The following PIEZO2 variants were observed in gnomAD, a reference collection of about 807,000 sequenced individuals.
The protein encoded by PIEZO2 is piezo-type mechanosensitive ion channel component 2.
Under a neutral mutation model 337.3 loss-of-function variants are expected in PIEZO2, and 172 were observed. That is an observed-to-expected ratio of 0.51 (90% CI 0.45 to 0.58). The LOEUF (loss-of-function observed/expected upper bound fraction) is 0.58. PIEZO2 is among the 20% of genes least tolerant of loss of function. The pLI is 0.00. For synonymous variants in PIEZO2, 1,251 were observed against 1,228.5 expected (o/e 1.02, Z -0.38); for missense variants, 3,028 against 3,391.3 (o/e 0.89, Z 2.66).
At chr18:10,744,617 G>A (rs2037352344) in intron 30 of PIEZO2, among the ~76,000 whole-genome samples, 1 of 152,158 alleles carries the variant, frequency 6.6e-6, no homozygotes, top group African/African-American at 2.4e-5. Flanking sequence ...TGCAAAAAGG[G>A]TACAGTCAGA....
intron 4 of PIEZO2, among the ~76,000 whole-genome samples, chr18:10,892,372 G>A (rs993120151): frequency 1.3e-5 from 2 of 152,070 alleles, no homozygotes; most frequent in African/African-American, 4.8e-5. Flanking sequence ...AAAAAAGCCA[G>A]ACACAAAAGG....
At chr18:10,770,012 T>G (rs1384060838) in intron 21 of PIEZO2, 136 bp downstream of exon 21, 1 of 918,976 alleles carries the variant, frequency 1.1e-6, no homozygotes, top group Non-Finnish European at 1.6e-6. Flanking sequence ...TCTGTAAGTG[T>G]AAGTACTTAG....
intron 27 of PIEZO2, among the ~76,000 whole-genome samples, chr18:10,756,452 T>G (rs910894941): frequency 1.5e-5 from 2 of 130,952 alleles, no homozygotes; most frequent in Non-Finnish European, 3.2e-5. Context: ...GGGGTGGTGA[T>G]GAAGAAAAGC....
intron 2 of PIEZO2, among the ~76,000 whole-genome samples, chr18:11,006,314 G>C (rs1351617965): frequency 1.3e-5 from 2 of 152,142 alleles, no homozygotes; most frequent in African/African-American, 4.8e-5. Context: ...AAAGGGCTTG[G>C]CAGGCAGCAT....
In PIEZO2 at chr18:10,744,210, G is replaced by A. The variant is rs956932106; in HGVS notation, c.4446C>T (p.Ala1482=). Residue 1482 remains alanine, a synonymous_variant, in exon 31 of 56, where the codon GCC becomes GCT. Coordinates refer to ENST00000674853, the MANE Select transcript of PIEZO2 (RefSeq NM_001378183.1). ...LASRGAELFQ[A]TIVKAVKARI... ...TTGCCTTTACAGCTTTTACAATTGT[G>A]GCCTGGAAAAGTTCAGCTCCTCTAA... 2.6e-6 allele frequency: 4 copies of A among 1,536,272 alleles called. No individual in the cohort carries two copies. The African/African-American group carries it at 5.5e-5, about 21-fold the overall frequency.
chr18:10,897,682 T>A (rs1202036107), intron 4 of PIEZO2, among the ~76,000 whole-genome samples: 1 of 152,194 alleles, frequency 6.6e-6, no homozygotes, highest in Admixed American at 6.5e-5. Context: ...ATCAGCAGCA[T>A]GAGAACAAAC....
intron 5 of PIEZO2, among the ~76,000 whole-genome samples, chr18:10,865,343 G>A (rs2041978092): frequency 6.6e-6 from 1 of 152,216 alleles, no homozygotes; most frequent in African/African-American, 2.4e-5. Flanking sequence ...ATTGGATAGG[G>A]TAAGAAGGGA....
rs2033332372 is a variant in PIEZO2 at position 10,952,326 on chromosome 18, C to A, written c.286+27209G>T. Among the ~76,000 whole-genome samples, 2 of 152,158 alleles carry A rather than the reference C, an allele frequency of 1.3e-5. No homozygotes were observed. Among genetic ancestry groups the A allele is most frequent in the Admixed American group, 1.3e-4 (2 of 15,278 alleles). Reference sequence around the variant, plus strand: ...ACAGTCATTTAACTACCACTACTGTCAAAATGTAAAGTTCCATCAGCCCAC... The same window carrying A: ...ACAGTCATTTAACTACCACTACTGTAAAAATGTAAAGTTCCATCAGCCCAC... On this transcript the variant is annotated intron_variant, in intron 3 of 55. Coordinates refer to ENST00000674853, the MANE Select transcript of PIEZO2 (RefSeq NM_001378183.1). The surrounding 1 kb of genome is among the most constrained non-coding windows in gnomAD (Gnocchi z 4.1).
chr18:10,765,884 CTG>C (rs2038332464), intron 21 of PIEZO2, among the ~76,000 whole-genome samples: 1 of 151,990 alleles, frequency 6.6e-6, no homozygotes, highest in South Asian at 2.1e-4. Flanking sequence ...CCTGATGAAA[CTG>C]TGGGGAGGGG....
chr18:11,049,377 G>T lies in PIEZO2; in HGVS notation c.160+16750C>A, dbSNP rs572422875. 4.6e-5 allele frequency among the ~76,000 whole-genome samples: 7 copies of T among 152,308 alleles called. No individual in the cohort carries two copies. The South Asian group carries it at 6.2e-4, about 14-fold the overall frequency. Reference sequence around the variant, plus strand: ...CCAAGGGTCTGTCTTCTTTACCTTTGTATGCCTAACTGCCTAGTACAAGGC... The same window carrying T: ...CCAAGGGTCTGTCTTCTTTACCTTTTTATGCCTAACTGCCTAGTACAAGGC... On this transcript the variant is annotated intron_variant, in intron 2 of 55. Transcript: ENST00000674853.
At chr18:10,728,140 G>T (rs1307833905) in intron 36 of PIEZO2, 1 of 152,494 alleles carries the variant, frequency 6.6e-6, no homozygotes, top group South Asian at 2.1e-4. Flanking sequence ...AATTAGTTAA[G>T]AATTCAACTA....
At chr18:10,893,700 T>C (rs976807623) in intron 4 of PIEZO2, 1 of 152,238 alleles carries the variant, frequency 6.6e-6, no homozygotes, top group Non-Finnish European at 1.5e-5. Context: ...ACATTTTTAA[T>C]TGAATGGTAT....
At position 11,132,335 on chromosome 18, in the gene PIEZO2, A is replaced by G. The variant is rs1278531354; in HGVS notation, c.64+16190T>C. Among the ~76,000 whole-genome samples, 2 of 152,202 alleles carry G rather than the reference A, an allele frequency of 1.3e-5. No homozygotes were observed. Among genetic ancestry groups the G allele is most frequent in the Non-Finnish European group, 2.9e-5 (2 of 68,034 alleles). On this transcript the variant is annotated intron_variant, in intron 1 of 55. Transcript: ENST00000674853. This position sits in a 1 kb window ranked among gnomAD's most constrained non-coding sequence, Gnocchi z 4.7. ...AGCAGGCTCATGCTCATGGAATCCA[A>G]TGTGCTCTTACTATATTCCCCATCA...
chr18:10,793,412 CTT>C (rs995095864), intron 13 of PIEZO2, among the ~76,000 whole-genome samples: 10 of 152,102 alleles, frequency 6.6e-5, no homozygotes, highest in African/African-American at 2.4e-4. Flanking sequence ...CGGAGTAACT[CTT>C]TTTTTCCACG....
rs12455888 is a variant in PIEZO2, at chr18:10,736,517, T to G, written c.4815+87A>C. 0.52 allele frequency: 776,793 copies of G among 1,491,852 alleles called. 203,004 individuals carry two copies. The highest frequency in any genetic ancestry group is 0.52 in the Non-Finnish European group (589,668 of 1,123,538). 92.4% of individuals were successfully genotyped at this position (1,491,852 alleles called of 1,614,324 possible). On this transcript the variant is annotated intron_variant, in intron 34 of 55. Transcript: ENST00000674853. ...TCGGGGAGCTATGACATATGAATAT[T>G]ACAGGAGGTGTCTAGGCCTGCAATG...
At chr18:10,689,087 C>T (rs2143600441) in intron 49 of PIEZO2, among the ~76,000 whole-genome samples, 1 of 152,282 alleles carries the variant, frequency 6.6e-6, no homozygotes, top group South Asian at 2.1e-4. Flanking sequence ...TCATATCACC[C>T]CAGCTAATGT....
chr18:10,886,378 GTGTATATATATATA>G lies in PIEZO2; in HGVS notation c.330-14977_330-14964del, dbSNP rs1437229314. On this transcript the variant is annotated intron_variant, in intron 4 of 55. Coordinates refer to ENST00000674853, the MANE Select transcript of PIEZO2 (RefSeq NM_001378183.1). ...CACACACACATATATATGTGTGTGT[GTGTATATATATATA>G]TATATATATATATATATATATATAT... Among the ~76,000 whole-genome samples the G allele has an allele frequency of 1.3e-3, 4 of 3,176 alleles. 1 individual carries two copies. Among genetic ancestry groups the G allele is most frequent in the Non-Finnish European group, 1.9e-3 (4 of 2,096 alleles). 2.1% of individuals were successfully genotyped at this position (3,176 alleles called of 152,430 possible). A position where few individuals can be genotyped will look rare whatever the true frequency, so the allele number is the denominator to read the frequency against.
intron 14 of PIEZO2, 113 bp downstream of exon 14, chr18:10,791,088 A>G (rs2039396455): frequency 8.4e-7 from 1 of 1,186,614 alleles, no homozygotes; most frequent in Non-Finnish European, 1.1e-6. Flanking sequence ...TTATTGCTCC[A>G]AGTTTACATT....
rs1226000630 is a variant in PIEZO2, at chr18:10,696,152, C to G, written c.7112G>C (p.Gly2371Ala). 6.2e-7 allele frequency: 1 copy of G among 1,614,042 alleles called. No individual in the cohort carries two copies. The highest frequency in any genetic ancestry group is 1.3e-5 in the African/African-American group (1 of 74,940). The change falls in exon 47 of 56, where the codon GGA becomes GCA. Residue 2371 changes from glycine (G) to alanine (A), a missense_variant. This residue lies in a region of PIEZO2 where 179 missense variants were observed against 281.8 expected (regional missense o/e 0.64). Transcript: ENST00000674853. ...AAGAATGACCTGGAAGATGACCTTT[C>G]CCAGTACAGTCTTCCTGAGGTAGAG... ...RALYLRKTVL[G>A]KVIFQVILVF... is the part of the protein sequence containing the mutation.
Sources: allele counts gnomAD v4.1 joint callset (sites outside exome capture counted in the v4.1 genomes callset), GRCh38; gene constraint gnomAD v4.1.1; regional missense constraint gnomAD v4.1.1; non-coding constraint Gnocchi (gnomAD v3.1); transcripts MANE v1.5; gene names NCBI Gene and HGNC (gene_info 2026-07-23, HGNC 2026-07-21).